The following ADRA1A variants were observed in gnomAD, a reference collection of about 807,000 sequenced individuals.
ADRA1A encodes the protein alpha-1A adrenergic receptor.
A neutral mutation model predicts 29.6 loss-of-function variants in ADRA1A; 31 were observed. The observed-to-expected ratio is 1.05, with a 90% CI of 0.79 to 1.41. The LOEUF (loss-of-function observed/expected upper bound fraction) is 1.41. Among genes scored for constraint, ADRA1A ranks in the 40% most tolerant of loss-of-function variants. The pLI, the probability that ADRA1A is intolerant of heterozygous loss-of-function variation, is 0.00. For missense variants in ADRA1A, 619 were observed against 601.1 expected (o/e 1.03, Z -0.31); for synonymous variants, 311 against 254.3 (o/e 1.22, Z -2.12).
In ADRA1A at chr8:26,787,170, A is replaced by G. The variant is rs1395479676; in HGVS notation, c.884-16504T>C. On this transcript the variant is annotated intron_variant, in intron 2 of 2. Transcript: ENST00000380573. This position sits in a 1 kb window ranked among gnomAD's most constrained non-coding sequence, Gnocchi z 4.2. Reference sequence around the variant, plus strand: ...AATTTCTAGATGATGCTATCTGCGAATCTGTCACTGCTTTGCTGGCTTTAT... The same window carrying G: ...AATTTCTAGATGATGCTATCTGCGAGTCTGTCACTGCTTTGCTGGCTTTAT... Among the ~76,000 whole-genome samples, 1 of 152,194 alleles carries G rather than the reference A, an allele frequency of 6.6e-6. No homozygotes were observed. The highest frequency in any genetic ancestry group is 1.5e-5 in the Non-Finnish European group (1 of 68,044).
intron 2 of ADRA1A, among the ~76,000 whole-genome samples, chr8:26,783,082 C>T (rs773685853): frequency 1.3e-5 from 2 of 152,186 alleles, no homozygotes; most frequent in Non-Finnish European, 2.9e-5. Context: ...TGCTTCTGGT[C>T]TTATCTGCTT....
chr8:26,772,883 A>ACACACACACATG (rs79239280), intron 2 of ADRA1A, among the ~76,000 whole-genome samples: 2,197 of 151,710 alleles, frequency 0.014, 22 homozygotes, highest in East Asian at 0.024. Flanking sequence ...ACACACACAC[A>ACACACACACATG]ATGGGTGTTT....
At chr8:26,776,728 C>T (rs535967888) in intron 2 of ADRA1A, among the ~76,000 whole-genome samples, 8 of 152,272 alleles carry the variant, frequency 5.3e-5, no homozygotes, top group Non-Finnish European at 7.4e-5. Flanking sequence ...TCAATAATTG[C>T]ATTATTTTAA....
rs1810466263 is a variant in ADRA1A, at chr8:26,825,209, G to A, written c.883+38878C>T. On this transcript the variant is annotated intron_variant, in intron 2 of 2. Coordinates refer to ENST00000380573, the MANE Select transcript of ADRA1A (RefSeq NM_000680.4). This position sits in a 1 kb window ranked among gnomAD's most constrained non-coding sequence, Gnocchi z 5.7. ...CTCGGTCCCCACATCTGTGTTGGGAGAGAGGAGACAGTTCCTTCTTTAGGG... is the reference window on the plus strand; with the variant it reads ...CTCGGTCCCCACATCTGTGTTGGGAAAGAGGAGACAGTTCCTTCTTTAGGG... Among the ~76,000 whole-genome samples the A allele has an allele frequency of 6.6e-6, 1 of 152,208 alleles. No individual in the cohort carries two copies. The highest frequency in any genetic ancestry group is 1.5e-5 in the Non-Finnish European group (1 of 68,040).
chr8:26,797,252 T>C (rs906276174), intron 2 of ADRA1A, among the ~76,000 whole-genome samples: 2 of 152,188 alleles, frequency 1.3e-5, no homozygotes, highest in African/African-American at 4.8e-5. Context: ...AACAAAAGTA[T>C]GTTATTTATG....
downstream of ADRA1A, among the ~76,000 whole-genome samples, chr8:26,767,601 C>T (rs1340440937): frequency 6.6e-6 from 1 of 152,066 alleles, no homozygotes; most frequent in Non-Finnish European, 1.5e-5. Flanking sequence ...GGTTTTAATC[C>T]GTTGACTGAA....
At chr8:26,838,111 T>C (rs1373714878) in intron 2 of ADRA1A, among the ~76,000 whole-genome samples, 2 of 152,170 alleles carry the variant, frequency 1.3e-5, no homozygotes, top group African/African-American at 4.8e-5. Flanking sequence ...AGGACAGGCG[T>C]TTAATGATAC....
At chr8:26,757,955 A>G (rs555355767) in intron 2 of ADRA1A, among the ~76,000 whole-genome samples, 3 of 152,284 alleles carry the variant, frequency 2.0e-5, no homozygotes, top group East Asian at 1.9e-4. Context: ...TATACTTTCT[A>G]TTGCTAAGTA....
At chr8:26,830,891 C>G (rs539089510) in intron 2 of ADRA1A, among the ~76,000 whole-genome samples, 1 of 152,120 alleles carries the variant, frequency 6.6e-6, no homozygotes, top group Non-Finnish European at 1.5e-5. Flanking sequence ...AGGGTCATTG[C>G]GGGCGGGAGG....
intron 2 of ADRA1A, among the ~76,000 whole-genome samples, chr8:26,844,200 G>C (rs764488890): frequency 1.3e-5 from 2 of 152,144 alleles, no homozygotes; most frequent in African/African-American, 4.8e-5. Context: ...GCAACACAAC[G>C]TGTAAAATAT....
At chr8:26,762,208 T>C (rs1805543452), downstream of ADRA1A, among the ~76,000 whole-genome samples, 2 of 152,192 alleles carry the variant, frequency 1.3e-5, no homozygotes, top group Admixed American at 6.5e-5. The surrounding 1 kb of genome is among the most constrained non-coding windows in gnomAD (Gnocchi z 4.0). Context: ...ATAGAAATAC[T>C]GCAGCCACCC....
chr8:26,831,760 A>T lies in ADRA1A; in HGVS notation c.883+32327T>A, dbSNP rs911983426. ...AGGACCCTTTTGGGCCTTGGGGGGA[A>T]CACGCTGCATGCAGCTTCCTTTCCA... On this transcript the variant is annotated intron_variant, in intron 2 of 2. Coordinates refer to ENST00000380573, the MANE Select transcript of ADRA1A (RefSeq NM_000680.4). This position sits in a 1 kb window ranked among gnomAD's most constrained non-coding sequence, Gnocchi z 5.2. Among the ~76,000 whole-genome samples, 9 of 152,210 alleles carry T rather than the reference A, an allele frequency of 5.9e-5. No homozygotes were observed. The highest frequency in any genetic ancestry group is 1.3e-4 in the Non-Finnish European group (9 of 68,036).
At chr8:26,765,551 C>T (rs1361521833), downstream of ADRA1A, among the ~76,000 whole-genome samples, 2 of 152,234 alleles carry the variant, frequency 1.3e-5, no homozygotes, top group Admixed American at 6.5e-5. Context: ...TCCACTGGAG[C>T]TGTGCGCAGG....
At chr8:26,774,667 TAAA>T (rs778840683) in intron 2 of ADRA1A, among the ~76,000 whole-genome samples, 10 of 131,170 alleles carry the variant, frequency 7.6e-5, no homozygotes, top group Admixed American at 1.5e-4. Flanking sequence ...AACCCCTGTC[TAAA>T]AAAAAAAAAA....
At chr8:26,763,202 C>T (rs900727250), downstream of ADRA1A, among the ~76,000 whole-genome samples, 11 of 152,170 alleles carry the variant, frequency 7.2e-5, no homozygotes, top group African/African-American at 2.7e-4. The surrounding 1 kb of genome is among the most constrained non-coding windows in gnomAD (Gnocchi z 4.5). Flanking sequence ...GGCAGGCCCT[C>T]AAATGCCCTG....
chr8:26,778,632 A>G (rs1000968424), intron 2 of ADRA1A, among the ~76,000 whole-genome samples: 2 of 152,172 alleles, frequency 1.3e-5, no homozygotes, highest in African/African-American at 2.4e-5. Context: ...GGATGAGTTC[A>G]TGTCCTTTGT....
At chr8:26,749,912 C>G (rs1234254386) in intron 2 of ADRA1A, among the ~76,000 whole-genome samples, 1 of 152,200 alleles carries the variant, frequency 6.6e-6, no homozygotes, top group Non-Finnish European at 1.5e-5. Context: ...ATTCTACTCT[C>G]AATTTCAGCT....
chr8:26,845,040 C>T (rs916906351), intron 2 of ADRA1A, among the ~76,000 whole-genome samples: 4 of 152,072 alleles, frequency 2.6e-5, no homozygotes, highest in Admixed American at 1.3e-4. Flanking sequence ...ACAATGACTC[C>T]TTAGATATAT....
downstream of ADRA1A, among the ~76,000 whole-genome samples, chr8:26,762,318 G>C (rs756837983): frequency 1.1e-4 from 17 of 152,278 alleles, no homozygotes; most frequent in Non-Finnish European, 2.2e-4. The surrounding 1 kb of genome is among the most constrained non-coding windows in gnomAD (Gnocchi z 4.0). Flanking sequence ...ACTGCAAGCA[G>C]AGGGTAAAAG....
Sources: allele counts gnomAD v4.1 joint callset (sites outside exome capture counted in the v4.1 genomes callset), GRCh38; gene constraint gnomAD v4.1.1; non-coding constraint Gnocchi (gnomAD v3.1); transcripts MANE v1.5; gene names NCBI Gene and HGNC (gene_info 2026-07-23, HGNC 2026-07-21).